ATP8A2: variants seen among roughly 807,000 people sequenced by gnomAD.
ATP8A2 encodes the protein ATPase phospholipid transporting 8A2.
ATP8A2 carries 100 observed loss-of-function variants against 165.6 expected under a neutral mutation model. That is an observed-to-expected ratio of 0.60 (90% CI 0.51 to 0.71). ATP8A2 has a LOEUF of 0.71. Among genes scored for constraint, ATP8A2 ranks in the 30% least tolerant of loss-of-function variants. The pLI, the probability that ATP8A2 is intolerant of heterozygous loss-of-function variation, is 0.00. For missense variants in ATP8A2, 1,227 were observed against 1,479.5 expected (o/e 0.83, Z 2.80); for synonymous variants, 543 against 548.8 (o/e 0.99, Z 0.15).
intron 24 of ATP8A2, among the ~76,000 whole-genome samples, chr13:25,597,447 G>A (rs906261086): frequency 1.3e-5 from 2 of 152,202 alleles, no homozygotes; most frequent in African/African-American, 4.8e-5. Flanking sequence ...TCCATTGATG[G>A]CTTTAATAAG....
At chr13:25,945,743 C>G in intron 33 of ATP8A2, among the ~76,000 whole-genome samples, 1 of 152,198 alleles carries the variant, frequency 6.6e-6, no homozygotes, top group Non-Finnish European at 1.5e-5. Context: ...CAAGGGGTCC[C>G]CGGATTTTTC....
chr13:25,507,329 G>A (rs1435589213), intron 2 of ATP8A2, among the ~76,000 whole-genome samples: 5 of 151,392 alleles, frequency 3.3e-5, no homozygotes, highest in South Asian at 2.1e-4. Flanking sequence ...GTAGTGGTGC[G>A]ATCTTGGCTC....
chr13:25,372,344 G>A lies in ATP8A2; in HGVS notation c.76+56G>A, dbSNP rs2032436411. 7.6e-7 allele frequency: 1 copy of A among 1,320,424 alleles called. No homozygotes were observed. The highest frequency in any genetic ancestry group is 1.0e-6 in the Non-Finnish European group (1 of 1,000,734). The allele number at this position is 1,320,424 out of a possible 1,614,324, so 81.8% of individuals were successfully genotyped here. On this transcript the variant is annotated intron_variant, in intron 1 of 36. Coordinates refer to ENST00000381655, the MANE Select transcript of ATP8A2 (RefSeq NM_016529.6). This position sits in a 1 kb window ranked among gnomAD's most constrained non-coding sequence, Gnocchi z 4.8. ...TGGGCCCGGGGCGGGGGCGGCGCGG[G>A]GCGCGCCTGCGGTTATGCGACACTG... is the stretch of plus-strand genomic sequence containing the variant.
chr13:25,939,286 C>A (rs1030854950), intron 33 of ATP8A2, among the ~76,000 whole-genome samples: 6 of 152,184 alleles, frequency 3.9e-5, no homozygotes, highest in African/African-American at 1.4e-4. Flanking sequence ...TGCTAAGAGG[C>A]AGTGCTTTCC....
intron 15 of ATP8A2, among the ~76,000 whole-genome samples, chr13:25,560,815 A>G (rs562170813): frequency 2.7e-5 from 4 of 150,908 alleles, no homozygotes; most frequent in East Asian, 3.9e-4. Flanking sequence ...CTTTGGAAGC[A>G]TTTCAGATTT....
intron 27 of ATP8A2, among the ~76,000 whole-genome samples, chr13:25,801,678 T>C (rs1950624975): frequency 6.6e-6 from 1 of 152,220 alleles, no homozygotes; most frequent in Admixed American, 6.5e-5. Context: ...GAACAAATGT[T>C]ACTTGACTAT....
Position 25,378,752 on chromosome 13 carries a change from G to A in ATP8A2, c.76+6464G>A, listed in dbSNP as rs184856763. 8.5e-3 allele frequency among the ~76,000 whole-genome samples: 1,290 copies of A among 152,292 alleles called. 11 individuals carry two copies. The highest frequency in any genetic ancestry group is 0.024 in the Middle Eastern group (7 of 292). The stretch of plus-strand genomic sequence containing the variant: ...TAACTGACAGCACTTGGCTGTCTCC[G>A]GCCCTGCTGTCCTAGCTACTCTGCA... On this transcript the variant is annotated intron_variant, in intron 1 of 36. Transcript: ENST00000381655.
intron 33 of ATP8A2, among the ~76,000 whole-genome samples, chr13:25,937,362 C>CTTTTTTTTTTTTTTTTTTTTTTTTTT (rs1555293658): frequency 3.1e-4 from 12 of 38,790 alleles, no homozygotes; most frequent in Admixed American, 1.4e-3. Flanking sequence ...TTCTTTCTTT[C>CTTTTTTTTTTTTTTTTTTTTTTTTTT]TTTTTTTTTT....
intron 11 of ATP8A2, among the ~76,000 whole-genome samples, chr13:25,553,169 T>C (rs2038875530): frequency 6.7e-6 from 1 of 150,268 alleles, no homozygotes; most frequent in South Asian, 2.2e-4. Context: ...TTCCCTTTGA[T>C]ACCCCCAGAC....
chr13:25,530,250 C>T (rs538980165), intron 3 of ATP8A2, 152 bp downstream of exon 3: 39 of 622,210 alleles, frequency 6.3e-5, no homozygotes, highest in Non-Finnish European at 9.0e-5. Context: ...ACAAGCCTGA[C>T]TTTGTATACA....
intron 1 of ATP8A2, among the ~76,000 whole-genome samples, chr13:25,416,717 C>T (rs1017810547): frequency 6.6e-6 from 1 of 152,192 alleles, no homozygotes. Flanking sequence ...TATCACATGA[C>T]TTACAAATTG....
intron 7 of ATP8A2, among the ~76,000 whole-genome samples, chr13:25,539,060 AGT>A (rs57382485): frequency 0.079 from 10,889 of 137,368 alleles, 437 homozygotes; most frequent in East Asian, 0.1. Flanking sequence ...TAGAAAATTT[AGT>A]GTGTGTGTGT....
intron 28 of ATP8A2, among the ~76,000 whole-genome samples, chr13:25,830,474 G>T (rs771441399): frequency 1.4e-4 from 21 of 152,196 alleles, no homozygotes; most frequent in Non-Finnish European, 2.4e-4. Context: ...TGGGCTGCCA[G>T]TGAGTGCTGG....
chr13:26,020,013 G>A lies in ATP8A2; in HGVS notation c.*28G>A, dbSNP rs1957060061. 2 of 1,517,158 alleles carry A rather than the reference G, an allele frequency of 1.3e-6. No homozygotes were observed. The highest frequency in any genetic ancestry group is 2.3e-5 in the East Asian group (1 of 44,336). 94.0% of individuals were successfully genotyped at this position (1,517,158 alleles called of 1,614,324 possible). On this transcript the variant is annotated 3_prime_UTR_variant, in exon 37 of 37. Transcript: ENST00000381655. ...CATGAATTTTCCTGACTGATCTTAG[G>A]AAAGAGATTCAGTTTGTTGCACCCA...
intron 18 of ATP8A2, among the ~76,000 whole-genome samples, chr13:25,573,925 T>C (rs1349710794): frequency 1.3e-5 from 2 of 152,194 alleles, no homozygotes; most frequent in Admixed American, 6.5e-5. Context: ...GTCATATACT[T>C]GGTAATTTGA....
chr13:25,652,584 G>A (rs1249888431), intron 24 of ATP8A2, among the ~76,000 whole-genome samples: 2 of 152,136 alleles, frequency 1.3e-5, no homozygotes, highest in Non-Finnish European at 2.9e-5. Flanking sequence ...GGTTGTATGT[G>A]ATCATCTTTT....
At chr13:25,698,961 C>G (rs2042892643) in intron 24 of ATP8A2, among the ~76,000 whole-genome samples, 1 of 152,124 alleles carries the variant, frequency 6.6e-6, no homozygotes, top group Non-Finnish European at 1.5e-5. Context: ...AAATTTCTAA[C>G]AGATCTCACT....
chr13:25,473,510 A>G (rs888726094), intron 2 of ATP8A2, among the ~76,000 whole-genome samples: 2 of 152,152 alleles, frequency 1.3e-5, no homozygotes, highest in Non-Finnish European at 1.5e-5. Flanking sequence ...GTACAATCAT[A>G]TCTCCTTTCA....
intron 24 of ATP8A2, chr13:25,591,111 A>T (rs1392188332): frequency 3.0e-6 from 1 of 328,308 alleles, no homozygotes; most frequent in East Asian, 8.8e-5. Context: ...TCTCCATGGA[A>T]CCTCTCATCA....
Sources: gnomAD v4.1 joint callset for allele counts (sites outside exome capture counted in the v4.1 genomes callset) on GRCh38, gnomAD v4.1.1 for gene constraint, Gnocchi (gnomAD v3.1) non-coding constraint, MANE v1.5 for transcripts, NCBI Gene and HGNC (gene_info 2026-07-23, HGNC 2026-07-21) for gene names.